GNB1: variants seen among roughly 807,000 people sequenced by gnomAD.
The protein encoded by GNB1 is G protein subunit beta 1.
A neutral mutation model predicts 42.9 loss-of-function variants in GNB1; 2 were observed. The observed-to-expected ratio is 0.05, with a 90% CI of 0.02 to 0.15. GNB1 has a LOEUF of 0.15. Among genes scored for constraint, GNB1 ranks in the 10% least tolerant of loss-of-function variants. The pLI is 1.00. For missense variants in GNB1, 193 were observed against 462.2 expected, an observed-to-expected ratio of 0.42 and a Z score of 5.34; for synonymous variants, 183 against 174.7, an observed-to-expected ratio of 1.05 and a Z score of -0.38.
intron 1 of GNB1, among the ~76,000 whole-genome samples, chr1:1,875,314 C>G (rs918197250): frequency 6.6e-6 from 1 of 151,984 alleles, no homozygotes; most frequent in Non-Finnish European, 1.5e-5. Context: ...GCCTCAGTCT[C>G]CCAAGTAGCT....
intron 3 of GNB1, among the ~76,000 whole-genome samples, chr1:1,823,449 G>C (rs1320455111): frequency 6.6e-6 from 1 of 151,838 alleles, no homozygotes; most frequent in Non-Finnish European, 1.5e-5. Context: ...ATTAAGTCAG[G>C]CAAAATTTGA....
At chr1:1,870,485 C>A (rs1009921670) in intron 1 of GNB1, among the ~76,000 whole-genome samples, 1 of 152,134 alleles carries the variant, frequency 6.6e-6, no homozygotes, top group African/African-American at 2.4e-5. Context: ...ATAATCAGCC[C>A]GTCTTGTTTA....
chr1:1,802,534 C>T (rs927897932), intron 7 of GNB1, among the ~76,000 whole-genome samples: 2 of 151,918 alleles, frequency 1.3e-5, no homozygotes, highest in East Asian at 1.9e-4. Flanking sequence ...TTTGGGAGGC[C>T]GAGGCAGGCA....
At chr1:1,819,721 T>G (rs1398808879) in intron 3 of GNB1, among the ~76,000 whole-genome samples, 1 of 122,442 alleles carries the variant, frequency 8.2e-6, no homozygotes, top group East Asian at 2.4e-4. Context: ...TTTTTTTTTT[T>G]GTAGAGATGG....
chr1:1,861,110 C>CA (rs34626560), intron 1 of GNB1, among the ~76,000 whole-genome samples: 46,205 of 106,946 alleles, frequency 0.43, 10,971 homozygotes, highest in Admixed American at 0.53. Context: ...CTCTGTCTCA[C>CA]AAAAAAAAAA....
At chr1:1,847,054 T>C (rs2101410139) in intron 1 of GNB1, among the ~76,000 whole-genome samples, 1 of 152,294 alleles carries the variant, frequency 6.6e-6, no homozygotes, top group Non-Finnish European at 1.5e-5. Context: ...AGGTTTTTAA[T>C]GCAGACAAAA....
At chr1:1,878,607 C>G (rs923787948) in intron 1 of GNB1, among the ~76,000 whole-genome samples, 7 of 152,306 alleles carry the variant, frequency 4.6e-5, no homozygotes, top group African/African-American at 1.4e-4. Flanking sequence ...TTTCAGCACA[C>G]AGCCTTTTCC....
chr1:1,836,865 T>C, intron 2 of GNB1, among the ~76,000 whole-genome samples: 1 of 150,766 alleles, frequency 6.6e-6, no homozygotes, highest in African/African-American at 2.4e-5. Context: ...ACTTTTTTTT[T>C]TTTTTTTTTT....
chr1:1,848,910 G>A (rs1454229024), intron 1 of GNB1, among the ~76,000 whole-genome samples: 3 of 152,176 alleles, frequency 2.0e-5, no homozygotes, highest in South Asian at 2.1e-4. Context: ...CTCAGAAGGA[G>A]CTTCAAAAAC....
At position 1,794,574 on chromosome 1, in the gene GNB1, G is replaced by A. The variant is rs182064006; in HGVS notation, c.431-1263C>T. 1.1e-4 allele frequency among the ~76,000 whole-genome samples: 16 copies of A among 152,232 alleles called. 1 individual carries two copies. The highest frequency in any genetic ancestry group is 3.4e-4 in the African/African-American group (14 of 41,542). On this transcript the variant is annotated intron_variant, in intron 7 of 11. Coordinates refer to ENST00000378609, the MANE Select transcript of GNB1 (RefSeq NM_002074.5). ...CCAACTACACCCCAGGGAGTCATGC[G>A]ACACTGCGTGAATCAGCAAACAACA...
At chr1:1,789,016 T>G (rs530234682) in intron 10 of GNB1, 37 bp downstream of exon 10, 1 of 1,410,454 alleles carries the variant, frequency 7.1e-7, no homozygotes, top group Admixed American at 1.7e-5. Context: ...ACCACGTAAA[T>G]GTCCACAAGA....
chr1:1,881,083 G>A (rs977109379), intron 1 of GNB1, among the ~76,000 whole-genome samples: 4 of 152,174 alleles, frequency 2.6e-5, no homozygotes, highest in African/African-American at 9.6e-5. Flanking sequence ...AAGGCCTGCC[G>A]TACCCTCGAT....
intron 1 of GNB1, among the ~76,000 whole-genome samples, chr1:1,844,654 T>C (rs1231138034): frequency 2.0e-5 from 3 of 152,212 alleles, no homozygotes; most frequent in Non-Finnish European, 4.4e-5. Flanking sequence ...TCTATCAACA[T>C]AATCCTAAGA....
intron 1 of GNB1, among the ~76,000 whole-genome samples, chr1:1,864,503 G>A (rs1334917546): frequency 1.3e-5 from 2 of 151,740 alleles, no homozygotes; most frequent in African/African-American, 2.4e-5. Flanking sequence ...TATTCCCTCC[G>A]GCCGACCCAT....
At chr1:1,831,787 G>A (rs573659913) in intron 2 of GNB1, among the ~76,000 whole-genome samples, 21 of 151,386 alleles carry the variant, frequency 1.4e-4, no homozygotes, top group East Asian at 3.9e-4. Flanking sequence ...GTCTGGGCGC[G>A]GTGGCTCATG....
chr1:1,866,517 T>C (rs1339665810), intron 1 of GNB1, among the ~76,000 whole-genome samples: 2 of 152,154 alleles, frequency 1.3e-5, no homozygotes, highest in East Asian at 1.9e-4. Context: ...AACCAATCTA[T>C]TGATGGACAT....
At chr1:1,886,873 T>G (rs1650185605) in intron 1 of GNB1, among the ~76,000 whole-genome samples, 1 of 152,086 alleles carries the variant, frequency 6.6e-6, no homozygotes, top group Non-Finnish European at 1.5e-5. Flanking sequence ...GCCCAGCTAA[T>G]TTTTTGTAGA....
intron 5 of GNB1, among the ~76,000 whole-genome samples, chr1:1,814,734 C>T (rs1275685123): frequency 9.3e-5 from 13 of 140,318 alleles, no homozygotes; most frequent in Admixed American, 6.1e-4. Context: ...CCTAGGACGT[C>T]GAGGCTGCAG....
chr1:1,824,009 A>G (rs1352821382), intron 3 of GNB1, among the ~76,000 whole-genome samples: 2 of 152,146 alleles, frequency 1.3e-5, no homozygotes, highest in Non-Finnish European at 2.9e-5. Context: ...GCGCACCACC[A>G]TACCCAGCTT....
Sources: allele counts gnomAD v4.1 joint callset (sites outside exome capture counted in the v4.1 genomes callset), GRCh38; gene constraint gnomAD v4.1.1; transcripts MANE v1.5; gene names NCBI Gene and HGNC (gene_info 2026-07-23, HGNC 2026-07-21).